Variants in THADA observed in about 807,000 individuals in gnomAD.
THADA encodes THADA armadillo repeat containing, also known as tRNA (32-2'-O)-methyltransferase regulator THADA.
THADA carries 213 observed loss-of-function variants against 219.8 expected under a neutral mutation model. The ratio of observed to expected loss-of-function variants is 0.97; its 90% CI spans 0.87 to 1.09. The LOEUF (loss-of-function observed/expected upper bound fraction) is 1.09, where lower values mean the gene tolerates loss of function less well. THADA is among the 50% of genes least tolerant of loss of function. The probability of loss-of-function intolerance (pLI) is 0.00; values close to 1 mark genes in which losing one functional copy is unlikely to be tolerated. For missense variants in THADA, 2,956 were observed against 2,311.3 expected (o/e 1.28, Z -5.72); for synonymous variants, 1,018 against 828.9 (o/e 1.23, Z -3.92).
At chr2:43,278,646 C>T (rs779593235) in intron 36 of THADA, among the ~76,000 whole-genome samples, 18 of 152,148 alleles carry the variant, frequency 1.2e-4, no homozygotes, top group African/African-American at 2.7e-4. Flanking sequence ...TGCCCTGGTG[C>T]GGTATCACTG....
intron 17 of THADA, among the ~76,000 whole-genome samples, chr2:43,554,988 G>T (rs1697171285): frequency 6.6e-6 from 1 of 152,068 alleles, no homozygotes; most frequent in South Asian, 2.1e-4. Flanking sequence ...TGTCATGTTG[G>T]TACTCAAAAA....
At chr2:43,400,900 G>A (rs572385462) in intron 28 of THADA, among the ~76,000 whole-genome samples, 94 of 152,248 alleles carry the variant, frequency 6.2e-4, no homozygotes, top group African/African-American at 2.1e-3. Context: ...AAGACAACAT[G>A]TTGATAATAT....
At chr2:43,278,182 C>T (rs902351634) in intron 36 of THADA, among the ~76,000 whole-genome samples, 5 of 151,952 alleles carry the variant, frequency 3.3e-5, no homozygotes, top group African/African-American at 9.7e-5. Context: ...AACTTCTGAC[C>T]GCAAGTGATC....
At chr2:43,438,299 C>CAAAA (rs56108896) in intron 26 of THADA, among the ~76,000 whole-genome samples, 16 of 85,950 alleles carry the variant, frequency 1.9e-4, no homozygotes, top group East Asian at 3.0e-4. Flanking sequence ...GACTCCATCT[C>CAAAA]AAAAAAAAAA....
intron 4 of THADA, 119 bp from the exon 5 acceptor site, chr2:43,587,121 A>C: frequency 9.7e-7 from 1 of 1,034,982 alleles, no homozygotes; most frequent in Non-Finnish European, 1.4e-6. Context: ...TACAGCCAGA[A>C]AACTACAACT....
rs1558743084 is a variant in THADA, at chr2:43,427,742, G to C, written c.4058+358C>G. Among the ~76,000 whole-genome samples, 4 of 149,512 alleles carry C rather than the reference G, an allele frequency of 2.7e-5. No homozygotes were observed. In the East Asian group the frequency reaches 5.9e-4, roughly 22 times the overall value. On this transcript the variant is annotated intron_variant, in intron 28 of 37. Coordinates refer to ENST00000405975, the MANE Select transcript of THADA (RefSeq NM_022065.5). ...GAGAATGAGGTGGGCGGATCACAAG[G>C]TCAGGAGATCGAGACCATTCTGGCT...
intron 6 of THADA, 112 bp downstream of exon 6, chr2:43,586,590 C>T: frequency 6.7e-6 from 9 of 1,344,832 alleles, no homozygotes; most frequent in Non-Finnish European, 9.1e-6. Flanking sequence ...TCATGATGTA[C>T]CTAAGTTATC....
chr2:43,478,730 G>A (rs1353931934), intron 26 of THADA, among the ~76,000 whole-genome samples: 3 of 152,168 alleles, frequency 2.0e-5, no homozygotes, highest in Admixed American at 6.5e-5. Flanking sequence ...CTTCGTCCAC[G>A]TAAGAGTCAA....
chr2:43,273,168 G>C lies in THADA; in HGVS notation c.5296+6597C>G, dbSNP rs549918966. Among the ~76,000 whole-genome samples the C allele has an allele frequency of 2.0e-5, 3 of 151,920 alleles. No individual in the cohort carries two copies. The East Asian group carries it at 5.8e-4, about 30-fold the overall frequency. On this transcript the variant is annotated intron_variant, in intron 36 of 37. Transcript: ENST00000405975. Reference sequence around the variant, plus strand: ...GGAGGCTGAGGCAGGACAATCGCTTGAACCCGGGAGGCGGAGGTTGCAGTG... The same window carrying C: ...GGAGGCTGAGGCAGGACAATCGCTTCAACCCGGGAGGCGGAGGTTGCAGTG...
chr2:43,347,648 G>A (rs1395635676), intron 29 of THADA, among the ~76,000 whole-genome samples: 2 of 152,212 alleles, frequency 1.3e-5, no homozygotes, highest in African/African-American at 4.8e-5. Context: ...TTGGGGGAAA[G>A]AGGTGGGGAG....
chr2:43,324,061 T>C (rs1679050947), intron 30 of THADA, among the ~76,000 whole-genome samples: 2 of 152,204 alleles, frequency 1.3e-5, no homozygotes, highest in Non-Finnish European at 2.9e-5. Context: ...CACAGAGTCA[T>C]AGCTTCTTGC....
At chr2:43,257,522 G>A (rs898255659) in intron 36 of THADA, among the ~76,000 whole-genome samples, 1 of 152,220 alleles carries the variant, frequency 6.6e-6, no homozygotes, top group Non-Finnish European at 1.5e-5. Flanking sequence ...ACCTAGTGAT[G>A]TCTCCCTTCA....
intron 30 of THADA, among the ~76,000 whole-genome samples, chr2:43,325,338 A>C (rs73923571): frequency 1.3e-5 from 2 of 151,758 alleles, no homozygotes; most frequent in Non-Finnish European, 1.5e-5. Flanking sequence ...ACTGAGGCCT[A>C]TTCATTCAGG....
chr2:43,471,774 C>T (rs1297700587), intron 26 of THADA, among the ~76,000 whole-genome samples: 1 of 152,162 alleles, frequency 6.6e-6, no homozygotes, highest in Admixed American at 6.5e-5. Flanking sequence ...GTTTTTATCA[C>T]TATTGTCACT....
intron 36 of THADA, among the ~76,000 whole-genome samples, chr2:43,275,608 T>G (rs771579908): frequency 6.6e-6 from 1 of 152,302 alleles, no homozygotes; most frequent in Non-Finnish European, 1.5e-5. Flanking sequence ...CTCTGCAGTA[T>G]TTCCAGCTAA....
At chr2:43,594,761 C>A (rs1701960890) in intron 1 of THADA, among the ~76,000 whole-genome samples, 1 of 152,156 alleles carries the variant, frequency 6.6e-6, no homozygotes, top group Non-Finnish European at 1.5e-5. Flanking sequence ...TTACACTTCT[C>A]AGTATCTCTG....
chr2:43,368,894 A>G (rs935932151), intron 29 of THADA, among the ~76,000 whole-genome samples: 1 of 152,068 alleles, frequency 6.6e-6, no homozygotes, highest in Non-Finnish European at 1.5e-5. Context: ...TTTTTTCTCT[A>G]GTTCACTGTC....
intron 7 of THADA, among the ~76,000 whole-genome samples, chr2:43,584,227 C>A (rs1159378858): frequency 6.6e-6 from 1 of 151,918 alleles, no homozygotes; most frequent in Non-Finnish European, 1.5e-5. Context: ...TTTGGACGCC[C>A]TGAATTTGAG....
chr2:43,363,654 T>C (rs1188542548), intron 29 of THADA, among the ~76,000 whole-genome samples: 1 of 152,202 alleles, frequency 6.6e-6, no homozygotes, highest in African/African-American at 2.4e-5. Flanking sequence ...GAGTTCAGCT[T>C]AGCATTATGA....
Sources: gnomAD v4.1 joint callset for allele counts (sites outside exome capture counted in the v4.1 genomes callset) on GRCh38, gnomAD v4.1.1 for gene constraint, MANE v1.5 for transcripts, NCBI Gene and HGNC (gene_info 2026-07-23, HGNC 2026-07-21) for gene names.